The following DICER1 variants were observed in gnomAD, a reference collection of about 807,000 sequenced individuals.
DICER1 encodes endoribonuclease Dicer.
A neutral mutation model predicts 194.1 loss-of-function variants in DICER1; 43 were observed. That is an observed-to-expected ratio of 0.22 (90% CI 0.17 to 0.29). The LOEUF (loss-of-function observed/expected upper bound fraction) is 0.29. Ranked by LOEUF, DICER1 falls within the 10% of genes least tolerant of loss-of-function variation. The pLI, the probability that DICER1 is intolerant of heterozygous loss-of-function variation, is 1.00. For synonymous variants in DICER1, 832 were observed against 820.5 expected, an observed-to-expected ratio of 1.01 and a Z score of -0.24; for missense variants, 1,608 against 2,317.0, an observed-to-expected ratio of 0.69 and a Z score of 6.28.
At chr14:95,132,750 T>C (rs1259138374) in intron 2 of DICER1, 73 bp from the exon 3 acceptor site, 2 of 1,441,860 alleles carry the variant, frequency 1.4e-6, no homozygotes, top group Non-Finnish European at 1.9e-6. Context: ...GATTTTATTT[T>C]AAATCAGGAA....
chr14:95,121,428 C>T (rs1036144222), intron 8 of DICER1, among the ~76,000 whole-genome samples: 2 of 152,074 alleles, frequency 1.3e-5, no homozygotes, highest in Admixed American at 6.6e-5. Flanking sequence ...TTAGTTGTGA[C>T]AAACACTGAC....
In DICER1 at chr14:95,099,761, CACACACACACAA is replaced by C; in HGVS notation, c.4206+7_4206+18del. 7.8e-7 allele frequency: 1 copy of C among 1,281,350 alleles called. No homozygotes were observed. Among genetic ancestry groups the C allele is most frequent in the Non-Finnish European group, 1.0e-6 (1 of 970,404 alleles). 79.4% of individuals were successfully genotyped at this position (1,281,350 alleles called of 1,614,324 possible). On this transcript the variant is annotated splice_region_variant and intron_variant, in intron 22 of 26. Transcript: ENST00000343455. ...ACACACACACACACACACACACACACACACACACACAAACTTACCATTTCATCTTTTTCCCAT... is the reference window on the plus strand; with the variant it reads ...ACACACACACACACACACACACACACACTTACCATTTCATCTTTTTCCCAT...
Position 95,089,390 on chromosome 14 carries a change from T to C in DICER1, c.*1108A>G, listed in dbSNP as rs1889594742. 4.3e-6 allele frequency: 1 copy of C among 232,848 alleles called. No individual in the cohort carries two copies. The highest frequency in any genetic ancestry group is 8.5e-6 in the Non-Finnish European group (1 of 117,902). 14.4% of individuals were successfully genotyped at this position (232,848 alleles called of 1,614,324 possible). On this transcript the variant is annotated 3_prime_UTR_variant, in exon 27 of 27. Coordinates refer to ENST00000343455, the MANE Select transcript of DICER1 (RefSeq NM_177438.3). ...TGAAAAGTATAGTAAGAAATTTATG[T>C]GAGGAGACTAAGGGTAAAGGTGCTG...
rs745464699 is a variant in DICER1 at position 95,124,432 on chromosome 14, C to G, written c.1140G>C (p.Leu380=). The G allele has an allele frequency of 6.2e-6, 10 of 1,614,118 alleles. No individual in the cohort carries two copies. In the South Asian group the frequency reaches 8.8e-5, roughly 14 times the overall value. ...GTTTATATTTGCGTAAGATTTCGAG[C>G]AGTTTGATTACTTTAGGAGTTACAA... ...LKFVTPKVIK[L]LEILRKYKPY... Residue 380 remains leucine (L), a synonymous_variant, in exon 8 of 27, where the codon CTG becomes CTC. Transcript: ENST00000343455. This position sits in a 1 kb window ranked among gnomAD's most constrained non-coding sequence, Gnocchi z 4.5.
At chr14:95,140,450 T>C (rs1894756172) in intron 1 of DICER1, among the ~76,000 whole-genome samples, 1 of 152,200 alleles carries the variant, frequency 6.6e-6, no homozygotes, top group Non-Finnish European at 1.5e-5. Flanking sequence ...GGTCATACCA[T>C]ATAGCCTAGG....
In DICER1 at chr14:95,090,626, T is replaced by C. The variant is rs746992218; in HGVS notation, c.5641A>G (p.Thr1881Ala). Residue 1881 changes from threonine (T) to alanine (A), a missense_variant, in exon 27 of 27, where the codon ACT becomes GCT. Coordinates refer to ENST00000343455, the MANE Select transcript of DICER1 (RefSeq NM_177438.3). Reference protein sequence around the residue: ...ERTYDGKVRVTVEVVGKGKFK... With the variant: ...ERTYDGKVRVAVEVVGKGKFK... ...TTCCCCTTTCCTACTACTTCCACAGTGACTCTGACCTTCCCGTCGTAAGTT... is the reference window on the plus strand; with the variant it reads ...TTCCCCTTTCCTACTACTTCCACAGCGACTCTGACCTTCCCGTCGTAAGTT... 6.2e-7 allele frequency: 1 copy of C among 1,614,186 alleles called. No homozygotes were observed. The highest frequency in any genetic ancestry group is 8.5e-7 in the Non-Finnish European group (1 of 1,180,016).
chr14:95,100,686 G>C (rs923867985), intron 21 of DICER1, among the ~76,000 whole-genome samples: 1 of 152,148 alleles, frequency 6.6e-6, no homozygotes, highest in African/African-American at 2.4e-5. Flanking sequence ...CTAGGGTCTA[G>C]AATTGTCAAT....
chr14:95,155,809 G>GT (rs1396541884), intron 1 of DICER1, among the ~76,000 whole-genome samples: 2 of 152,026 alleles, frequency 1.3e-5, no homozygotes, highest in African/African-American at 2.4e-5. Flanking sequence ...GCAATCTTTA[G>GT]TTTTTTGTTT....
At position 95,157,525 on chromosome 14, in the gene DICER1, C is replaced by A. The variant is rs1296795449; in HGVS notation, c.-341G>T. ...ACGGCGCACAGCCGCTTGGAGAATC[C>A]CACTGGCTCCCGCACCGCCCCTCCG... On this transcript the variant is annotated 5_prime_UTR_variant, in exon 1 of 27. Coordinates refer to ENST00000343455, the MANE Select transcript of DICER1 (RefSeq NM_177438.3). 3 of 152,600 alleles carry A rather than the reference C, an allele frequency of 2.0e-5. No individual in the cohort carries two copies. Among genetic ancestry groups the A allele is most frequent in the South Asian group, 4.1e-4 (2 of 4,872 alleles). 9.5% of individuals were successfully genotyped at this position (152,600 alleles called of 1,614,324 possible).
chr14:95,126,649 A>C lies in DICER1; in HGVS notation c.834T>G (p.Leu278=), dbSNP rs1222141030. The change falls in exon 7 of 27, where the codon CTT becomes CTG. Residue 278 remains leucine, a synonymous_variant. Coordinates refer to ENST00000343455, the MANE Select transcript of DICER1 (RefSeq NM_177438.3). ...ATATATTACAATCATTGATAAAATT[A>C]AGTGCTTCTTCTAATTCCATCAGCA... ...ERLLMELEEA[L]NFINDCNISV... The C allele has an allele frequency of 6.3e-7, 1 of 1,578,928 alleles. No individual in the cohort carries two copies. The highest frequency in any genetic ancestry group is 1.7e-5 in the Admixed American group (1 of 59,976).
intron 6 of DICER1, among the ~76,000 whole-genome samples, chr14:95,128,632 G>T (rs1893685458): frequency 6.6e-6 from 1 of 152,180 alleles, no homozygotes; most frequent in South Asian, 2.1e-4. Flanking sequence ...AGAATCCCAT[G>T]AAACCACTGT....
At chr14:95,110,108 A>G (rs1305165734) in intron 14 of DICER1, among the ~76,000 whole-genome samples, 1 of 152,248 alleles carries the variant, frequency 6.6e-6, no homozygotes, top group Non-Finnish European at 1.5e-5. Flanking sequence ...GACATAAATC[A>G]GTTAAATTCC....
chr14:95,135,669 C>T (rs1894307903), intron 1 of DICER1, among the ~76,000 whole-genome samples: 1 of 152,114 alleles, frequency 6.6e-6, no homozygotes, highest in Non-Finnish European at 1.5e-5. Flanking sequence ...ATGGAAATAA[C>T]AGACAGGCTT....
In DICER1 at chr14:95,130,192, C is replaced by T; in HGVS notation, c.439G>A (p.Val147Ile). The change falls in exon 5 of 27, where the codon GTT (valine) becomes ATT (isoleucine). Residue 147 changes from valine (V) to isoleucine (I), a missense_variant and splice_region_variant. Val to Ile is a conservative substitution (Grantham distance 29). Transcript: ENST00000343455. ...RWNQEFTKHQ[V>I]LIMTCYVALN... ...GCGACATAGCAAGTCATAATGAGAA[C>T]CTAAAATAAAATCAACATCAGTAAA... 1.2e-6 allele frequency: 2 copies of T among 1,611,864 alleles called. No individual in the cohort carries two copies. The highest frequency in any genetic ancestry group is 1.7e-6 in the Non-Finnish European group (2 of 1,179,244).
chr14:95,152,244 T>C (rs535329345), intron 1 of DICER1, among the ~76,000 whole-genome samples: 1 of 152,318 alleles, frequency 6.6e-6, no homozygotes, highest in East Asian at 1.9e-4. Flanking sequence ...TTCTTAACAC[T>C]TCCCTCAGTC....
Position 95,132,587 on chromosome 14 carries a change from T to C in DICER1, c.235A>G (p.Lys79Glu). The change falls in exon 3 of 27, where the codon AAA becomes GAA. Residue 79 changes from lysine (K) to glutamate (E), a missense_variant. Transcript: ENST00000343455. ...GKTFIAVLLTKELSYQIRGDF... is the reference protein window; with the variant it reads ...GKTFIAVLLTEELSYQIRGDF... ...CCCCTGATCTGATAGGACAGCTCTT[T>C]AGTGAGTAGTACTGCAATAAATGTC... The C allele has an allele frequency of 6.2e-7, 1 of 1,613,992 alleles. No individual in the cohort carries two copies. The highest frequency in any genetic ancestry group is 8.5e-7 in the Non-Finnish European group (1 of 1,179,894).
chr14:95,130,710 G>C (rs1336422611), intron 4 of DICER1, among the ~76,000 whole-genome samples: 2 of 152,182 alleles, frequency 1.3e-5, no homozygotes, highest in African/African-American at 4.8e-5. Context: ...CTTAATCACT[G>C]TGTATCCCCC....
chr14:95,097,550 T>C (rs1419958173), intron 22 of DICER1, among the ~76,000 whole-genome samples: 1 of 152,228 alleles, frequency 6.6e-6, no homozygotes, highest in Non-Finnish European at 1.5e-5. Flanking sequence ...ACCTTAATAA[T>C]GGGCTAGATT....
Position 95,094,065 on chromosome 14 carries a change from C to T in DICER1, c.5187G>A (p.Pro1729=), listed in dbSNP as rs765113010. ...HLYEDPRQHS[P]GVLTDLRSAL... ...CAGACCGCAGGTCTGTCAGGACCCC[C>T]GGGGAGTGCTGCCGCGGGTCTTCAT... Residue 1729 remains proline (P), a synonymous_variant, in exon 24 of 27, where the codon CCG becomes CCA. Transcript: ENST00000343455. The T allele has an allele frequency of 2.4e-5, 38 of 1,613,976 alleles. No individual in the cohort carries two copies. In the Admixed American group the frequency reaches 3.0e-4, roughly 13 times the overall value.
Sources: allele counts gnomAD v4.1 joint callset (sites outside exome capture counted in the v4.1 genomes callset), GRCh38; gene constraint gnomAD v4.1.1; non-coding constraint Gnocchi (gnomAD v3.1); transcripts MANE v1.5; gene names NCBI Gene and HGNC (gene_info 2026-07-23, HGNC 2026-07-21).